Variants in DGKI observed in about 807,000 individuals in gnomAD.
DGKI encodes the protein diacylglycerol kinase iota.
A neutral mutation model predicts 147.5 loss-of-function variants in DGKI; 55 were observed. The observed-to-expected ratio is 0.37, with a 90% CI of 0.30 to 0.47. The LOEUF (loss-of-function observed/expected upper bound fraction) is 0.47, where lower values mean the gene tolerates loss of function less well. DGKI is among the 20% of genes least tolerant of loss of function. The probability of loss-of-function intolerance (pLI) is 1.00; values close to 1 mark genes in which losing one functional copy is unlikely to be tolerated. For missense variants in DGKI, 1,007 were observed against 1,323.8 expected, an observed-to-expected ratio of 0.76 and a Z score of 3.71; for synonymous variants, 469 against 477.1, an observed-to-expected ratio of 0.98 and a Z score of 0.22.
chr7:137,794,362 G>A (rs970074148), intron 1 of DGKI, among the ~76,000 whole-genome samples: 4 of 152,146 alleles, frequency 2.6e-5, no homozygotes, highest in Non-Finnish European at 5.9e-5. Flanking sequence ...ACTGTACAAA[G>A]ATTAATATTC....
intron 6 of DGKI, among the ~76,000 whole-genome samples, chr7:137,642,340 A>G (rs939176654): frequency 1.3e-5 from 2 of 152,146 alleles, no homozygotes; most frequent in Admixed American, 6.5e-5. Flanking sequence ...TGTGACTGAA[A>G]GTTGCAGCTC....
At chr7:137,791,535 A>T (rs1360441537) in intron 1 of DGKI, among the ~76,000 whole-genome samples, 1 of 152,206 alleles carries the variant, frequency 6.6e-6, no homozygotes, top group African/African-American at 2.4e-5. Context: ...AGACTTTTTC[A>T]GGTAGAGCTA....
chr7:137,748,325 G>C (rs1215346739), intron 1 of DGKI, among the ~76,000 whole-genome samples: 2 of 149,788 alleles, frequency 1.3e-5, no homozygotes, highest in Non-Finnish European at 3.0e-5. Flanking sequence ...AAAAACTTAT[G>C]TATATAAACA....
At chr7:137,663,764 G>A (rs898417481) in intron 3 of DGKI, among the ~76,000 whole-genome samples, 1 of 152,178 alleles carries the variant, frequency 6.6e-6, no homozygotes, top group Admixed American at 6.5e-5. Context: ...CAAAATTACA[G>A]AGTTACAGAG....
chr7:137,401,675 G>A (rs2128896039), intron 30 of DGKI, among the ~76,000 whole-genome samples: 1 of 152,304 alleles, frequency 6.6e-6, no homozygotes, highest in Non-Finnish European at 1.5e-5. Flanking sequence ...CAAATTGTCA[G>A]CAGAGAATTC....
At chr7:137,571,139 T>C (rs1429821287) in intron 19 of DGKI, 36 bp downstream of exon 19, 5 of 1,475,620 alleles carry the variant, frequency 3.4e-6, no homozygotes, top group African/African-American at 1.4e-5. Flanking sequence ...GTGACTAAAA[T>C]ACATTTCATT....
In DGKI at chr7:137,455,822, T is replaced by C. The variant is rs1814180616; in HGVS notation, c.2735+7667A>G. The stretch of plus-strand genomic sequence containing the variant: ...CAGCCACCACCATTTCCAGTGATAA[T>C]ATGACATCCCTCTCACATTCCTCAA... On this transcript the variant is annotated intron_variant, in intron 27 of 32. Transcript: ENST00000614521. 2.0e-5 allele frequency among the ~76,000 whole-genome samples: 3 copies of C among 152,084 alleles called. No homozygotes were observed. The South Asian group carries it at 6.2e-4, about 31-fold the overall frequency.
intron 1 of DGKI, among the ~76,000 whole-genome samples, chr7:137,752,603 G>A (rs1795536017): frequency 6.6e-6 from 1 of 152,188 alleles, no homozygotes; most frequent in Non-Finnish European, 1.5e-5. Flanking sequence ...TCCAGACATT[G>A]TATGGAAAAG....
intron 3 of DGKI, among the ~76,000 whole-genome samples, chr7:137,678,309 A>T (rs1337936769): frequency 2.4e-4 from 37 of 152,194 alleles, no homozygotes; most frequent in Admixed American, 2.4e-3. Flanking sequence ...TACCCTGGGC[A>T]TCATTATAAA....
chr7:137,729,075 G>A (rs1398793489), intron 1 of DGKI, among the ~76,000 whole-genome samples: 1 of 152,004 alleles, frequency 6.6e-6, no homozygotes, highest in African/African-American at 2.4e-5. Context: ...AAAGATGGCT[G>A]TTCATAAGGA....
chr7:137,658,894 A>G (rs999754423), intron 3 of DGKI, among the ~76,000 whole-genome samples: 1 of 152,250 alleles, frequency 6.6e-6, no homozygotes, highest in African/African-American at 2.4e-5. Flanking sequence ...ACTGAAGTGC[A>G]ACGTTCCGCA....
chr7:137,660,918 G>A (rs1164926186), intron 3 of DGKI, among the ~76,000 whole-genome samples: 2 of 152,044 alleles, frequency 1.3e-5, no homozygotes, highest in African/African-American at 4.8e-5. Context: ...CAGGGCCTGG[G>A]GTTAGCTACT....
chr7:137,555,962 C>T (rs1818210818), intron 19 of DGKI, among the ~76,000 whole-genome samples: 1 of 151,700 alleles, frequency 6.6e-6, no homozygotes, highest in Non-Finnish European at 1.5e-5. Flanking sequence ...GATCATAATG[C>T]CAAAATCATT....
At chr7:137,455,648 G>GT (rs1554407075) in intron 27 of DGKI, among the ~76,000 whole-genome samples, 1 of 114,980 alleles carries the variant, frequency 8.7e-6, no homozygotes, top group Non-Finnish European at 1.8e-5. Context: ...AAGGGGGGGG[G>GT]GCGGGGAATG....
At chr7:137,644,599 TAAAC>T (rs1162009215) in intron 6 of DGKI, among the ~76,000 whole-genome samples, 2 of 152,186 alleles carry the variant, frequency 1.3e-5, no homozygotes, top group Non-Finnish European at 2.9e-5. Flanking sequence ...GTCACATGAA[TAAAC>T]AAACAGAGGA....
At chr7:137,636,806 T>G (rs1821327737) in intron 6 of DGKI, among the ~76,000 whole-genome samples, 1 of 152,170 alleles carries the variant, frequency 6.6e-6, no homozygotes, top group South Asian at 2.1e-4. Flanking sequence ...TCTCTATTAG[T>G]TCCAGTGACA....
chr7:137,557,713 C>T (rs563246288), intron 19 of DGKI, among the ~76,000 whole-genome samples: 4 of 152,124 alleles, frequency 2.6e-5, no homozygotes, highest in Non-Finnish European at 5.9e-5. Flanking sequence ...TCTCTCCAGG[C>T]GAACCTGTCC....
chr7:137,696,143 A>C (rs1197319635), intron 1 of DGKI, among the ~76,000 whole-genome samples: 2 of 152,214 alleles, frequency 1.3e-5, no homozygotes, highest in Non-Finnish European at 2.9e-5. Context: ...TTCCCTGGAC[A>C]CTTCTGTTCA....
chr7:137,552,230 A>C, intron 20 of DGKI, 139 bp downstream of exon 20: 1 of 777,670 alleles, frequency 1.3e-6, no homozygotes. Flanking sequence ...TGTTCCTATG[A>C]GAGAAACCAA....
Sources: allele counts gnomAD v4.1 joint callset (sites outside exome capture counted in the v4.1 genomes callset), GRCh38; gene constraint gnomAD v4.1.1; transcripts MANE v1.5; gene names NCBI Gene and HGNC (gene_info 2026-07-23, HGNC 2026-07-21).